The following LIME1 variants were observed in gnomAD, a reference collection of about 807,000 sequenced individuals.
The protein encoded by LIME1 is lck-interacting transmembrane adapter 1.
In LIME1, 23 loss-of-function variants were observed where a neutral mutation model predicts 18.8. The ratio of observed to expected loss-of-function variants is 1.22; its 90% CI spans 0.88 to 1.73. The LOEUF is 1.73. Among genes scored for constraint, LIME1 ranks in the 40% most tolerant of loss-of-function variants. The pLI, the probability that LIME1 is intolerant of heterozygous loss-of-function variation, is 0.00. For synonymous variants in LIME1, 177 were observed against 182.3 expected (o/e 0.97, Z 0.23); for missense variants, 423 against 396.8 (o/e 1.07, Z -0.56).
Position 63,738,614 on chromosome 20 carries a change from C to G in LIME1, c.602C>G (p.Ser201Cys). The G allele has an allele frequency of 6.4e-7, 1 of 1,572,652 alleles. No individual in the cohort carries two copies. Among genetic ancestry groups the G allele is most frequent in the Middle Eastern group, 1.7e-4 (1 of 5,838 alleles). Residue 201 changes from serine to cysteine, a missense_variant, in exon 6 of 6, where the codon TCC becomes TGC. Transcript: ENST00000309546. The stretch of plus-strand genomic sequence containing the variant: ...TGTCTCCAGGTGGACGTCCTGTACT[C>G]CAGGGTCTGCAAGCCTAAAAGGAGG... ...TPAAQVDVLY[S>C]RVCKPKRRDP...
rs758961506 is a variant in LIME1 at position 63,737,625 on chromosome 20, G to A, written c.76G>A (p.Ala26Thr). ...CTGCGCCCTGCTCCTCTCGCTGTGG[G>A]CGCTGTGCACAGCCTGCCGCAGGTA... ...GCCALLLSLW[A>T]LCTACRRPED... Residue 26 changes from alanine to threonine, a missense_variant, in exon 2 of 6, where the codon GCG becomes ACG. Ala to Thr is a moderately conservative substitution (Grantham distance 58). Coordinates refer to ENST00000309546, the MANE Select transcript of LIME1 (RefSeq NM_017806.4). 1.3e-6 allele frequency: 2 copies of A among 1,599,254 alleles called. No individual in the cohort carries two copies.
At chr20:63,736,923 C>T (rs2091996321) in intron 1 of LIME1, 1 of 985,582 alleles carries the variant, frequency 1.0e-6, no homozygotes, top group African/African-American at 1.7e-5. Context: ...CTGCTAAGAT[C>T]CCCAAGAAGG....
intron 1 of LIME1, chr20:63,737,125 G>A: frequency 1.0e-6 from 1 of 994,930 alleles, no homozygotes; most frequent in Non-Finnish European, 1.2e-6. Context: ...CGGCTTGGGG[G>A]CACTACCTGA....
At position 63,736,722 on chromosome 20, in the gene LIME1, C is replaced by T. The variant is rs148185004; in HGVS notation, c.-18+10C>T. 71 of 985,752 alleles carry T rather than the reference C, an allele frequency of 7.2e-5. No individual in the cohort carries two copies. The African/African-American group carries it at 1.2e-3, about 17-fold the overall frequency. The allele number at this position is 985,752 out of a possible 1,614,324, so 61.1% of individuals were successfully genotyped here. On this transcript the variant is annotated intron_variant, in intron 1 of 5. Coordinates refer to ENST00000309546, the MANE Select transcript of LIME1 (RefSeq NM_017806.4). ...CCTGGCCGTGGGCTTGGTAAGTGCC[C>T]TCCTGGGGGGCAGCTGGGGTCTGGG...
Position 63,738,263 on chromosome 20 carries a change from CCCTCTGCCTT to C in LIME1, c.352_361del (p.Ser118HisfsTer70). On this transcript the variant is annotated frameshift_variant, in exon 5 of 6. Transcript: ENST00000309546. LOFTEE classifies it high-confidence loss of function. ...GGACATCACCGGACCGCAGGCAGCC[CCCTCTGCCTT>C]CCCACACCAGGAGCTGCCCCGGGCT... 6.3e-7 allele frequency: 1 copy of C among 1,587,292 alleles called. No individual in the cohort carries two copies. Among genetic ancestry groups the C allele is most frequent in the Non-Finnish European group, 8.5e-7 (1 of 1,171,706 alleles).
chr20:63,737,756 C>G, intron 2 of LIME1, 65 bp from the exon 3 acceptor site: 1 of 1,418,494 alleles, frequency 7.0e-7, no homozygotes, highest in South Asian at 1.4e-5. Context: ...GGCACGCGCG[C>G]CTGCACCGGG....
Position 63,737,708 on chromosome 20 carries a change from G to A in LIME1, c.98+61G>A, listed in dbSNP as rs1287320548. 9 of 1,470,442 alleles carry A rather than the reference G, an allele frequency of 6.1e-6. No homozygotes were observed. The South Asian group carries it at 1.2e-4, about 20-fold the overall frequency. 91.1% of individuals were successfully genotyped at this position (1,470,442 alleles called of 1,614,324 possible). ...CTGCGGCTGCCATTCACAGCCCAGCGCGGGAAGGGGCTGGAGGCAGGTCCG... is the reference window on the plus strand; with the variant it reads ...CTGCGGCTGCCATTCACAGCCCAGCACGGGAAGGGGCTGGAGGCAGGTCCG... On this transcript the variant is annotated intron_variant, in intron 2 of 5. Coordinates refer to ENST00000309546, the MANE Select transcript of LIME1 (RefSeq NM_017806.4).
At position 63,736,725 on chromosome 20, in the gene LIME1, C is replaced by T; in HGVS notation, c.-18+13C>T. The T allele has an allele frequency of 1.0e-6, 1 of 985,742 alleles. No homozygotes were observed. The highest frequency in any genetic ancestry group is 1.2e-6 in the Non-Finnish European group (1 of 830,188). The allele number at this position is 985,742 out of a possible 1,614,324, so 61.1% of individuals were successfully genotyped here. ...GGCCGTGGGCTTGGTAAGTGCCCTC[C>T]TGGGGGGCAGCTGGGGTCTGGGAGG... On this transcript the variant is annotated intron_variant, in intron 1 of 5. Transcript: ENST00000309546.
intron 2 of LIME1, 45 bp from the exon 3 acceptor site, chr20:63,737,776 C>G: frequency 2.8e-6 from 4 of 1,422,770 alleles, no homozygotes; most frequent in Non-Finnish European, 3.7e-6. Flanking sequence ...GCCTTGGACC[C>G]GAGGCTGACG....
intron 4 of LIME1, 22 bp downstream of exon 4, chr20:63,738,082 G>T: frequency 6.6e-7 from 1 of 1,507,540 alleles, no homozygotes. Context: ...GCGGGGCGGG[G>T]GCGGCCGGGC....
At chr20:63,735,788 G>A (rs776850416), upstream of LIME1, 19 of 1,603,776 alleles carry the variant, frequency 1.2e-5, no homozygotes, top group Middle Eastern at 1.7e-4. Context: ...CAGGCATAGC[G>A]TGGCGTCAGC....
At position 63,738,390 on chromosome 20, in the gene LIME1, C is replaced by G. The variant is rs1158200394; in HGVS notation, c.476C>G (p.Ala159Gly). 6.4e-7 allele frequency: 1 copy of G among 1,555,060 alleles called. No individual in the cohort carries two copies. Among genetic ancestry groups the G allele is most frequent in the Non-Finnish European group, 8.7e-7 (1 of 1,150,632 alleles). The change falls in exon 5 of 6, where the codon GCG becomes GGG. Residue 159 changes from alanine (A) to glycine (G), a missense_variant. By Grantham distance (60) the Ala-to-Gly change is moderately conservative. Coordinates refer to ENST00000309546, the MANE Select transcript of LIME1 (RefSeq NM_017806.4). Reference protein sequence around the residue: ...GLAALPGVSLAASPVVAEYAR... With the variant: ...GLAALPGVSLGASPVVAEYAR... ...GCGGCCCTTCCCGGGGTCAGCCTGG[C>G]GGCCAGCCCTGTGGTGGCCGAGTAT... is the stretch of plus-strand genomic sequence containing the variant.
At chr20:63,736,598 G>A, upstream of LIME1, 3 of 987,000 alleles carry the variant, frequency 3.0e-6, no homozygotes, top group Non-Finnish European at 3.6e-6. Flanking sequence ...AGGCTCAGGG[G>A]AGGCGCTTGG....
In LIME1 at chr20:63,738,927, C is replaced by A; in HGVS notation, c.*27C>A. ...CACTCAAGGACCTGTGCTCCTTCCT[C>A]CAGAGTGAGGCCCGTCCCCCGCCCC... is the stretch of plus-strand genomic sequence containing the variant. On this transcript the variant is annotated 3_prime_UTR_variant, in exon 6 of 6. Coordinates refer to ENST00000309546, the MANE Select transcript of LIME1 (RefSeq NM_017806.4). 1.3e-6 allele frequency: 2 copies of A among 1,504,142 alleles called. No individual in the cohort carries two copies. The highest frequency in any genetic ancestry group is 2.4e-5 in the East Asian group (1 of 41,432). The allele number at this position is 1,504,142 out of a possible 1,614,324, so 93.2% of individuals were successfully genotyped here.
chr20:63,735,787 C>T (rs199925445), upstream of LIME1: 37 of 1,602,548 alleles, frequency 2.3e-5, no homozygotes, highest in East Asian at 6.1e-4. Flanking sequence ...GCAGGCATAG[C>T]GTGGCGTCAG....
chr20:63,737,906 A>G lies in LIME1; in HGVS notation c.180+4A>G. On this transcript the variant is annotated splice_donor_region_variant and intron_variant, in intron 3 of 5. Coordinates refer to ENST00000309546, the MANE Select transcript of LIME1 (RefSeq NM_017806.4). ...CAGTGCGACGGCGGCGGAAGCGGTG[A>G]GTGCCAGGCTGTCCCGGGGACCAGG... The G allele has an allele frequency of 1.9e-6, 3 of 1,575,050 alleles. No individual in the cohort carries two copies. The highest frequency in any genetic ancestry group is 2.6e-6 in the Non-Finnish European group (3 of 1,163,684).
In LIME1 at chr20:63,738,657, A is replaced by G. The variant is rs201378620; in HGVS notation, c.645A>G (p.Thr215=). ...AAAGGAGGGACCCAGGACCCACCAC[A>G]GACCCGCTGGACCCCAAGGGCCAGG... ...KPKRRDPGPT[T]DPLDPKGQGA... The change falls in exon 6 of 6, where the codon ACA becomes ACG. Residue 215 remains threonine, a synonymous_variant. Coordinates refer to ENST00000309546, the MANE Select transcript of LIME1 (RefSeq NM_017806.4). The G allele has an allele frequency of 9.3e-6, 15 of 1,611,188 alleles. No homozygotes were observed. The East Asian group carries it at 3.1e-4, about 34-fold the overall frequency.
upstream of LIME1, chr20:63,735,898 C>A (rs2091985440): frequency 1.2e-6 from 2 of 1,612,732 alleles, no homozygotes; most frequent in South Asian, 1.1e-5. Context: ...CAGACACCCA[C>A]AAGAAGATGA....
In LIME1 at chr20:63,738,834, G is replaced by A. The variant is rs2092024592; in HGVS notation, c.822G>A (p.Thr274=). Residue 274 remains threonine, a synonymous_variant, in exon 6 of 6, where the codon ACG becomes ACA. Coordinates refer to ENST00000309546, the MANE Select transcript of LIME1 (RefSeq NM_017806.4). ...AGRSSTCGAG[T]PPASSCPSLG... is the part of the protein sequence containing the mutation. The stretch of plus-strand genomic sequence containing the variant: ...GGAGCAGCACGTGCGGGGCTGGGAC[G>A]CCCCCTGCTTCCAGCTGCCCCAGCC... The A allele has an allele frequency of 1.9e-6, 3 of 1,611,232 alleles. No individual in the cohort carries two copies. Among genetic ancestry groups the A allele is most frequent in the Non-Finnish European group, 2.5e-6 (3 of 1,179,334 alleles).
Sources: allele counts gnomAD v4.1 joint callset, GRCh38; gene constraint gnomAD v4.1.1; transcripts MANE v1.5; gene names NCBI Gene and HGNC (gene_info 2026-07-23, HGNC 2026-07-21).